CA10: variants seen among roughly 807,000 people sequenced by gnomAD.
The protein encoded by CA10 is carbonic anhydrase-related protein 10.
A neutral mutation model predicts 44.2 loss-of-function variants in CA10; 14 were observed. That is an observed-to-expected ratio of 0.32 (90% CI 0.21 to 0.50). CA10 has a LOEUF of 0.50. CA10 is among the 20% of genes least tolerant of loss of function. The pLI is 0.99. For missense variants in CA10, 350 were observed against 409.7 expected (o/e 0.85, Z 1.26); for synonymous variants, 159 against 141.6 (o/e 1.12, Z -0.87).
At chr17:51,894,931 AGAG>A (rs1408881991) in intron 3 of CA10, among the ~76,000 whole-genome samples, 1 of 152,142 alleles carries the variant, frequency 6.6e-6, no homozygotes, top group African/African-American at 2.4e-5. Flanking sequence ...TTGAGTTTTC[AGAG>A]AAGAAAAGGC....
At chr17:51,715,229 GGA>G (rs1916064313) in intron 4 of CA10, among the ~76,000 whole-genome samples, 2 of 152,020 alleles carry the variant, frequency 1.3e-5, no homozygotes, top group African/African-American at 4.8e-5. Context: ...GGTGGGGGGT[GGA>G]GGGAGGGATA....
intron 3 of CA10, among the ~76,000 whole-genome samples, chr17:51,818,083 T>C (rs1444269655): frequency 6.6e-6 from 1 of 152,222 alleles, no homozygotes; most frequent in Non-Finnish European, 1.5e-5. Context: ...CAGAATGGTC[T>C]TTCAAGTGAT....
chr17:51,915,735 C>T (rs1257105503), intron 3 of CA10, among the ~76,000 whole-genome samples: 2 of 151,802 alleles, frequency 1.3e-5, no homozygotes, highest in Non-Finnish European at 2.9e-5. Flanking sequence ...TGTCTTATTG[C>T]TATTCATTCC....
intron 3 of CA10, among the ~76,000 whole-genome samples, chr17:51,794,619 C>T (rs773017744): frequency 6.6e-6 from 1 of 152,108 alleles, no homozygotes; most frequent in Non-Finnish European, 1.5e-5. Flanking sequence ...TATATATACA[C>T]TACATATAAC....
In CA10 at chr17:51,747,735, G is replaced by T; in HGVS notation, c.363C>A (p.Pro121=). The T allele has an allele frequency of 1.2e-6, 2 of 1,614,078 alleles. No individual in the cohort carries two copies. The highest frequency in any genetic ancestry group is 2.2e-5 in the South Asian group (2 of 91,082). The change falls in exon 4 of 9, where the codon CCC becomes CCA. Residue 121 remains proline (P), a synonymous_variant. Coordinates refer to ENST00000451037, the MANE Select transcript of CA10 (RefSeq NM_020178.5). ...KEHLVNISGG[P]MTYSHRLEEI... ...CCTCCAGCCGGTGGCTGTATGTCAT[G>T]GGCCCTCCAGATATGTTGACCAAGT...
chr17:52,002,693 GAA>G lies in CA10; in HGVS notation c.136+69624_136+69625del, dbSNP rs199815559. ...ATCAAGTTCTCCATTTCAGAAATTA[GAA>G]AAGTTTCAAAAAGGGAAAGGAAGTA... is the stretch of plus-strand genomic sequence containing the variant. On this transcript the variant is annotated intron_variant, in intron 2 of 8. Coordinates refer to ENST00000451037, the MANE Select transcript of CA10 (RefSeq NM_020178.5). Among the ~76,000 whole-genome samples the G allele has an allele frequency of 1.3e-3, 200 of 151,980 alleles. 4 individuals are homozygous for G. In the East Asian group the frequency reaches 0.034, roughly 26 times the overall value.
intron 6 of CA10, among the ~76,000 whole-genome samples, chr17:51,644,643 C>T (rs139683463): frequency 6.6e-6 from 1 of 152,158 alleles, no homozygotes; most frequent in East Asian, 1.9e-4. Flanking sequence ...CCTTCCCACC[C>T]ACGGATACGC....
intron 2 of CA10, among the ~76,000 whole-genome samples, chr17:51,994,991 C>T (rs1334700817): frequency 6.6e-6 from 1 of 151,982 alleles, no homozygotes; most frequent in Non-Finnish European, 1.5e-5. Context: ...TACTACTCAC[C>T]AATTTTCCTT....
intron 2 of CA10, among the ~76,000 whole-genome samples, chr17:51,946,332 G>T (rs1700555155): frequency 6.6e-6 from 1 of 152,168 alleles, no homozygotes; most frequent in South Asian, 2.1e-4. Context: ...TGTGAGGTAA[G>T]ACGTATGTTA....
chr17:51,692,757 T>C lies in CA10; in HGVS notation c.466-39021A>G, dbSNP rs114696313. On this transcript the variant is annotated intron_variant, in intron 4 of 8. Transcript: ENST00000451037. ...TTATGAATAAAGCTCCTATAAATATTTGTATGCAGGTTTTCATGTGGAAAT... is the reference window on the plus strand; with the variant it reads ...TTATGAATAAAGCTCCTATAAATATCTGTATGCAGGTTTTCATGTGGAAAT... 4.9e-3 allele frequency among the ~76,000 whole-genome samples: 748 copies of C among 152,356 alleles called. 9 individuals carry two copies. Among genetic ancestry groups the C allele is most frequent in the African/African-American group, 0.017 (710 of 41,584 alleles).
chr17:51,806,635 T>C (rs1907149309), intron 3 of CA10, among the ~76,000 whole-genome samples: 1 of 152,258 alleles, frequency 6.6e-6, no homozygotes. Flanking sequence ...TTGAATTGAA[T>C]GATGCATCTC....
chr17:51,967,874 C>A (rs536750248), intron 2 of CA10, among the ~76,000 whole-genome samples: 2 of 151,630 alleles, frequency 1.3e-5, no homozygotes, highest in South Asian at 4.2e-4. Flanking sequence ...AGATAGAATA[C>A]GAAAAATGGC....
chr17:51,653,824 T>G (rs1913673270), intron 4 of CA10, 88 bp from the exon 5 acceptor site: 2 of 757,732 alleles, frequency 2.6e-6, no homozygotes, highest in Admixed American at 3.8e-5. Flanking sequence ...AAGGGTGAAC[T>G]GCAAAGTATA....
In CA10 at chr17:52,149,435, C is replaced by A. The variant is rs529116853; in HGVS notation, c.61+8291G>T. On this transcript the variant is annotated intron_variant, in intron 1 of 8. Coordinates refer to ENST00000451037, the MANE Select transcript of CA10 (RefSeq NM_020178.5). ...AATGCAAATGTAATCAAACCCCACA[C>A]TGGCTATCCCGTTACCAGCCCAATC... Among the ~76,000 whole-genome samples, 20 of 152,352 alleles carry A rather than the reference C, an allele frequency of 1.3e-4. No individual in the cohort carries two copies. The East Asian group carries it at 3.3e-3, about 25-fold the overall frequency.
chr17:52,028,192 C>A (rs1009325118), intron 2 of CA10, among the ~76,000 whole-genome samples: 10 of 152,160 alleles, frequency 6.6e-5, no homozygotes, highest in African/African-American at 2.4e-4. Flanking sequence ...TAACAAAATG[C>A]AGAGGCTGCA....
intron 3 of CA10, among the ~76,000 whole-genome samples, chr17:51,764,862 C>G (rs899153204): frequency 6.6e-6 from 1 of 152,224 alleles, no homozygotes; most frequent in African/African-American, 2.4e-5. Context: ...GGGAAATAAA[C>G]GTCTCCTTAA....
intron 3 of CA10, among the ~76,000 whole-genome samples, chr17:51,764,018 C>T (rs1218332172): frequency 6.8e-6 from 1 of 146,026 alleles, no homozygotes; most frequent in Non-Finnish European, 1.5e-5. Context: ...TATGAACCAC[C>T]ATGAAAGTAA....
At chr17:52,000,225 C>A (rs1274809708) in intron 2 of CA10, among the ~76,000 whole-genome samples, 3 of 152,054 alleles carry the variant, frequency 2.0e-5, no homozygotes, top group African/African-American at 7.2e-5. Flanking sequence ...AAGCCCTGGG[C>A]CACTGATGTG....
At chr17:52,030,298 CCTTT>C (rs1309211533) in intron 2 of CA10, among the ~76,000 whole-genome samples, 2 of 152,174 alleles carry the variant, frequency 1.3e-5, no homozygotes, top group East Asian at 3.9e-4. Flanking sequence ...GGCCTGTTGA[CCTTT>C]CTCTCTTAAC....
Sources: allele counts gnomAD v4.1 joint callset (sites outside exome capture counted in the v4.1 genomes callset), GRCh38; gene constraint gnomAD v4.1.1; transcripts MANE v1.5; gene names NCBI Gene and HGNC (gene_info 2026-07-23, HGNC 2026-07-21).